LINGO2: variants seen among roughly 807,000 people sequenced by gnomAD.
LINGO2 encodes leucine-rich repeat and immunoglobulin-like domain-containing nogo receptor-interacting protein 2.
A neutral mutation model predicts 30.6 loss-of-function variants in LINGO2; 14 were observed. The observed-to-expected ratio is 0.46, with a 90% CI of 0.30 to 0.72. LINGO2 has a LOEUF of 0.72. Ranked by LOEUF, LINGO2 falls within the 30% of genes least tolerant of loss-of-function variation. The pLI, the probability that LINGO2 is intolerant of heterozygous loss-of-function variation, is 0.07. For missense variants in LINGO2, 729 were observed against 751.7 expected, an observed-to-expected ratio of 0.97 and a Z score of 0.35; for synonymous variants, 317 against 288.5, an observed-to-expected ratio of 1.10 and a Z score of -1.00.
At chr9:28,921,729 C>A in the LINGO2 span, among the ~76,000 whole-genome samples, 3 of 152,302 alleles carry the variant, frequency 2.0e-5, no homozygotes, top group Admixed American at 2.0e-4. Flanking sequence ...CACATCCACT[C>A]ACCAGTTATT....
the LINGO2 span, among the ~76,000 whole-genome samples, chr9:29,148,747 A>AT: frequency 3.3e-5 from 5 of 152,104 alleles, no homozygotes; most frequent in Non-Finnish European, 5.9e-5. Flanking sequence ...GGTTAAACCT[A>AT]TTTTTTATAG....
intron 1 of LINGO2, among the ~76,000 whole-genome samples, chr9:28,499,804 C>T (rs1819811096): frequency 6.6e-6 from 1 of 152,158 alleles, no homozygotes; most frequent in African/African-American, 2.4e-5. Flanking sequence ...ACTTCTCTCT[C>T]CTACAATCCC....
At chr9:27,957,439 A>G (rs144797302) in intron 5 of LINGO2, among the ~76,000 whole-genome samples, 3 of 152,022 alleles carry the variant, frequency 2.0e-5, no homozygotes, top group Admixed American at 6.6e-5. Flanking sequence ...GATTACAGGC[A>G]TGTGTCACCA....
At chr9:29,035,238 T>G in the LINGO2 span, among the ~76,000 whole-genome samples, 1 of 151,998 alleles carries the variant, frequency 6.6e-6, no homozygotes, top group Non-Finnish European at 1.5e-5. Context: ...AATTTTATGA[T>G]GAAGAAACTG....
At chr9:28,601,174 T>C (rs1241570032) in intron 1 of LINGO2, among the ~76,000 whole-genome samples, 1 of 152,134 alleles carries the variant, frequency 6.6e-6, no homozygotes, top group East Asian at 1.9e-4. Context: ...TTTCTCCCAC[T>C]GTATTGAACC....
the LINGO2 span, among the ~76,000 whole-genome samples, chr9:29,114,380 T>TTTATTA: frequency 8.3e-3 from 1,189 of 143,276 alleles, 11 homozygotes; most frequent in African/African-American, 0.017. Flanking sequence ...ATTTTTTTCT[T>TTTATTA]TTATTATTAT....
chr9:28,911,486 AAAG>A, the LINGO2 span, among the ~76,000 whole-genome samples: 1 of 152,044 alleles, frequency 6.6e-6, no homozygotes, highest in Non-Finnish European at 1.5e-5. Context: ...TACTATCTAG[AAAG>A]AAGGAGATTA....
At chr9:28,013,586 G>T (rs1362136282) in intron 4 of LINGO2, among the ~76,000 whole-genome samples, 1 of 152,152 alleles carries the variant, frequency 6.6e-6, no homozygotes, top group East Asian at 1.9e-4. Context: ...GCAAAGACGG[G>T]GAGTGAATGA....
At chr9:28,629,387 T>G (rs1002545774) in intron 1 of LINGO2, among the ~76,000 whole-genome samples, 1 of 152,084 alleles carries the variant, frequency 6.6e-6, no homozygotes, top group Admixed American at 6.6e-5. Context: ...AGAAATTCCT[T>G]TCTTCTTCCC....
chr9:28,137,466 A>G (rs1827551043), intron 4 of LINGO2, among the ~76,000 whole-genome samples: 1 of 152,166 alleles, frequency 6.6e-6, no homozygotes, highest in Non-Finnish European at 1.5e-5. Context: ...TTAATCTGGC[A>G]AGCTAGTTTA....
At chr9:28,359,054 C>G (rs560521957) in intron 3 of LINGO2, among the ~76,000 whole-genome samples, 1 of 152,214 alleles carries the variant, frequency 6.6e-6, no homozygotes, top group South Asian at 2.1e-4. Flanking sequence ...GCAAGATGCC[C>G]TTGAAAATCA....
At chr9:28,445,026 C>G (rs1425078187) in intron 2 of LINGO2, among the ~76,000 whole-genome samples, 2 of 152,104 alleles carry the variant, frequency 1.3e-5, no homozygotes, top group African/African-American at 4.8e-5. Flanking sequence ...CAAAGCCACC[C>G]AAGAACACTA....
At chr9:28,394,387 G>A (rs1387987055) in intron 2 of LINGO2, among the ~76,000 whole-genome samples, 4 of 152,088 alleles carry the variant, frequency 2.6e-5, no homozygotes, top group Admixed American at 2.0e-4. Flanking sequence ...AACAGAATCA[G>A]ATGACAGTGA....
intron 1 of LINGO2, among the ~76,000 whole-genome samples, chr9:28,506,512 A>ATATATATATATC (rs1820143494): frequency 7.6e-6 from 1 of 131,606 alleles, no homozygotes; most frequent in Non-Finnish European, 1.7e-5. Context: ...AGACATATAT[A>ATATATATATATC]TATATATATA....
intron 4 of LINGO2, among the ~76,000 whole-genome samples, chr9:28,028,592 G>A (rs964445443): frequency 4.6e-5 from 7 of 152,054 alleles, no homozygotes; most frequent in Admixed American, 4.6e-4. Flanking sequence ...GACCCCCATA[G>A]ATACCAAAAC....
chr9:28,511,498 T>G (rs1820383502), intron 1 of LINGO2, among the ~76,000 whole-genome samples: 1 of 152,148 alleles, frequency 6.6e-6, no homozygotes, highest in Admixed American at 6.5e-5. Flanking sequence ...ACGGGCCCAT[T>G]AACAGATTAC....
intron 4 of LINGO2, among the ~76,000 whole-genome samples, chr9:28,215,885 G>C (rs13296178): frequency 3.3e-5 from 5 of 151,756 alleles, no homozygotes; most frequent in Admixed American, 2.0e-4. Flanking sequence ...GCAAAAAAAG[G>C]CTTCATGTAG....
intron 3 of LINGO2, among the ~76,000 whole-genome samples, chr9:28,340,371 T>C (rs1003827123): frequency 6.6e-6 from 1 of 152,112 alleles, no homozygotes; most frequent in African/African-American, 2.4e-5. Flanking sequence ...CAGTGAAACA[T>C]ATATGTGTGC....
intron 3 of LINGO2, among the ~76,000 whole-genome samples, chr9:28,362,059 C>A (rs1056499611): frequency 2.6e-5 from 4 of 152,212 alleles, no homozygotes; most frequent in Non-Finnish European, 5.9e-5. Flanking sequence ...CTTGCTAAAA[C>A]ATACAGATTC....
Sources: allele counts gnomAD v4.1 joint callset (sites outside exome capture counted in the v4.1 genomes callset), GRCh38; gene constraint gnomAD v4.1.1; transcripts MANE v1.5; gene names NCBI Gene and HGNC (gene_info 2026-07-23, HGNC 2026-07-21).